Variants in LCOR observed in about 807,000 individuals in gnomAD.
LCOR encodes the protein ligand dependent nuclear receptor corepressor.
In LCOR, 14 loss-of-function variants were observed where a neutral mutation model predicts 64.4. That is an observed-to-expected ratio of 0.22 (90% CI 0.14 to 0.34). The LOEUF (loss-of-function observed/expected upper bound fraction) is 0.34, where lower values mean the gene tolerates loss of function less well. LCOR is among the 10% of genes least tolerant of loss of function. The pLI is 1.00. For missense variants in LCOR, 1,686 were observed against 1,765.3 expected, an observed-to-expected ratio of 0.96 and a Z score of 0.80; for synonymous variants, 643 against 642.5, an observed-to-expected ratio of 1.00 and a Z score of -0.01.
chr10:96,925,772 A>G (rs1250337649), intron 4 of LCOR, among the ~76,000 whole-genome samples: 1 of 152,170 alleles, frequency 6.6e-6, no homozygotes, highest in African/African-American at 2.4e-5. Flanking sequence ...ACTTTGATCC[A>G]TTTTAGTTTT....
intron 2 of LCOR, among the ~76,000 whole-genome samples, chr10:96,839,725 G>A (rs1401296812): frequency 6.7e-6 from 1 of 150,122 alleles, no homozygotes; most frequent in African/African-American, 2.5e-5. Flanking sequence ...TGGCTCTGTT[G>A]CCCAGGTTGG....
chr10:96,938,293 A>G (rs1312222240), intron 4 of LCOR, among the ~76,000 whole-genome samples: 2 of 152,238 alleles, frequency 1.3e-5, no homozygotes. Context: ...TTAATAGAGT[A>G]AGTGACACAG....
At chr10:96,883,276 G>A (rs1846292470) in intron 2 of LCOR, among the ~76,000 whole-genome samples, 1 of 152,138 alleles carries the variant, frequency 6.6e-6, no homozygotes, top group Admixed American at 6.6e-5. Context: ...CAGGTGATCT[G>A]CCTGCCTCGG....
chr10:96,901,154 A>C (rs1206476666), intron 2 of LCOR, among the ~76,000 whole-genome samples: 2 of 151,728 alleles, frequency 1.3e-5, no homozygotes, highest in Non-Finnish European at 2.9e-5. Context: ...ACGCCACTGC[A>C]CTCCAGCCTG....
In LCOR at chr10:96,990,994, A is replaced by G. The variant is rs1371391588; in HGVS notation, c.*5860A>G. The G allele has an allele frequency of 7.4e-6, 1 of 134,362 alleles. No homozygotes were observed. Among genetic ancestry groups the G allele is most frequent in the Non-Finnish European group, 1.6e-5 (1 of 63,756 alleles). The allele number at this position is 134,362 out of a possible 1,614,324, so 8.3% of individuals were successfully genotyped here. On this transcript the variant is annotated 3_prime_UTR_variant, in exon 8 of 8. Coordinates refer to ENST00000421806, the MANE Select transcript of LCOR (RefSeq NM_001346516.2). ...AATATGCCAGGGGTTGGACAAATGG[A>G]TTTTTTACCCTTTTTTAAAGGGTTA...
intron 1 of LCOR, 93 bp from the exon 2 acceptor site, chr10:96,833,313 C>T (rs975888913): frequency 4.2e-6 from 4 of 952,042 alleles, no homozygotes; most frequent in South Asian, 4.8e-5. Context: ...CCCTGCGGGC[C>T]GGAGGGAGCG....
At chr10:96,849,174 A>G (rs1018823853) in intron 2 of LCOR, among the ~76,000 whole-genome samples, 3 of 141,446 alleles carry the variant, frequency 2.1e-5, no homozygotes, top group African/African-American at 8.0e-5. Flanking sequence ...CCTGGCTTCA[A>G]GTGATTCTCC....
At chr10:96,877,484 A>G (rs1589625276) in intron 2 of LCOR, among the ~76,000 whole-genome samples, 1 of 152,024 alleles carries the variant, frequency 6.6e-6, no homozygotes, top group Middle Eastern at 3.4e-3. Flanking sequence ...TGATCATGAC[A>G]CTGCACTCCA....
chr10:96,946,077 CAG>C (rs1317724937), intron 5 of LCOR, among the ~76,000 whole-genome samples: 1 of 151,970 alleles, frequency 6.6e-6, no homozygotes, highest in African/African-American at 2.4e-5. Context: ...ATGTGATGCT[CAG>C]AGAAAGAACT....
rs1848130348 is a variant in LCOR at position 96,984,662 on chromosome 10, G to A, written c.4202G>A (p.Arg1401Lys). 1 of 1,614,150 alleles carries A rather than the reference G, an allele frequency of 6.2e-7. No homozygotes were observed. ...PKAEVQSKRKRTEGSSPPDSK... is the reference protein window; with the variant it reads ...PKAEVQSKRKKTEGSSPPDSK... Reference sequence around the variant, plus strand: ...GCAGAAGTTCAGAGTAAACGCAAGAGAACAGAAGGCAGCAGCCCTCCAGAT... The same window carrying A: ...GCAGAAGTTCAGAGTAAACGCAAGAAAACAGAAGGCAGCAGCCCTCCAGAT... Residue 1401 changes from arginine (R) to lysine (K), a missense_variant, in exon 8 of 8, where the codon AGA (arginine) becomes AAA (lysine). Arg to Lys is a conservative substitution (Grantham distance 26). Transcript: ENST00000421806.
At chr10:96,898,236 C>T (rs1182875139) in intron 2 of LCOR, among the ~76,000 whole-genome samples, 6 of 152,020 alleles carry the variant, frequency 3.9e-5, no homozygotes. Flanking sequence ...GATGGGGATA[C>T]CTTAGAATTA....
At chr10:96,875,045 C>T (rs890269560) in intron 2 of LCOR, among the ~76,000 whole-genome samples, 19 of 151,892 alleles carry the variant, frequency 1.3e-4, no homozygotes, top group Non-Finnish European at 2.5e-4. Flanking sequence ...CCACCCCCAC[C>T]CCTTAAAATT....
In LCOR at chr10:96,984,069, T is replaced by C. The variant is rs1344245298; in HGVS notation, c.3609T>C (p.Asn1203=). 1.2e-6 allele frequency: 2 copies of C among 1,613,954 alleles called. No homozygotes were observed. The highest frequency in any genetic ancestry group is 1.3e-5 in the African/African-American group (1 of 74,916). The change falls in exon 8 of 8, where the codon AAT becomes AAC. Residue 1203 remains asparagine, a synonymous_variant. Coordinates refer to ENST00000421806, the MANE Select transcript of LCOR (RefSeq NM_001346516.2). ...TRSLVIVKKL[N]TRLPGDVPPV... is the part of the protein sequence containing the mutation. ...CTCTAGTCATTGTGAAGAAGCTCAATACTCGCCTTCCAGGAGACGTTCCCC... is the reference window on the plus strand; with the variant it reads ...CTCTAGTCATTGTGAAGAAGCTCAACACTCGCCTTCCAGGAGACGTTCCCC...
chr10:96,832,322 G>A lies in LCOR; in HGVS notation c.-481G>A. On this transcript the variant is annotated 5_prime_UTR_variant, in exon 1 of 8. Transcript: ENST00000421806. ...CAGAAGATGGCGAGGGTGTGTAGGCGGCAGCAATGCTCCGTTGAGAGACGC... is the reference window on the plus strand; with the variant it reads ...CAGAAGATGGCGAGGGTGTGTAGGCAGCAGCAATGCTCCGTTGAGAGACGC... 2 of 984,128 alleles carry A rather than the reference G, an allele frequency of 2.0e-6. No individual in the cohort carries two copies. Among genetic ancestry groups the A allele is most frequent in the African/African-American group, 1.7e-5 (1 of 57,158 alleles). The allele number at this position is 984,128 out of a possible 1,614,324, so 61.0% of individuals were successfully genotyped here. A position where few individuals can be genotyped will look rare whatever the true frequency, so the allele number is the denominator to read the frequency against.
At chr10:96,980,494 T>C (rs1236882937) in intron 7 of LCOR, among the ~76,000 whole-genome samples, 1 of 152,196 alleles carries the variant, frequency 6.6e-6, no homozygotes, top group African/African-American at 2.4e-5. Context: ...TCACATTTAT[T>C]GAATCAAAAG....
chr10:96,835,537 T>C (rs1170543744), intron 2 of LCOR, among the ~76,000 whole-genome samples: 1 of 152,180 alleles, frequency 6.6e-6, no homozygotes, highest in African/African-American at 2.4e-5. Context: ...TTAAGAACTT[T>C]CTATATTTAA....
chr10:96,929,109 C>T (rs1371664339), intron 4 of LCOR, among the ~76,000 whole-genome samples: 2 of 152,186 alleles, frequency 1.3e-5, no homozygotes, highest in East Asian at 1.9e-4. Context: ...TTTGGGGAAT[C>T]GTAAATGAGC....
At chr10:96,918,998 A>G (rs1349787758) in intron 4 of LCOR, among the ~76,000 whole-genome samples, 2 of 152,252 alleles carry the variant, frequency 1.3e-5, no homozygotes, top group Admixed American at 1.3e-4. Flanking sequence ...CAGTGCGTTA[A>G]GTATAAAAAA....
chr10:96,900,662 A>T (rs1255051671), intron 2 of LCOR, among the ~76,000 whole-genome samples: 2 of 152,078 alleles, frequency 1.3e-5, no homozygotes, highest in Non-Finnish European at 2.9e-5. Context: ...TTTTATATAA[A>T]CAGTCTTTTC....
Sources: gnomAD v4.1 joint callset for allele counts (sites outside exome capture counted in the v4.1 genomes callset) on GRCh38, gnomAD v4.1.1 for gene constraint, MANE v1.5 for transcripts, NCBI Gene and HGNC (gene_info 2026-07-23, HGNC 2026-07-21) for gene names.